MTPN: variants seen among roughly 807,000 people sequenced by gnomAD.
MTPN encodes the protein myotrophin, also known as granule cell differentiation protein.
Under a neutral mutation model 13.5 loss-of-function variants are expected in MTPN, and 2 were observed. The observed-to-expected ratio is 0.15, with a 90% confidence interval of 0.06 to 0.47. The LOEUF (loss-of-function observed/expected upper bound fraction) is 0.47. Among genes scored for constraint, MTPN ranks in the 20% least tolerant of loss-of-function variants. The pLI is 0.97. For missense variants in MTPN, 79 were observed against 137.9 expected (o/e 0.57, Z 2.14); for synonymous variants, 46 against 51.7 (o/e 0.89, Z 0.48).
At chr7:135,930,055 G>A (rs764656681) in intron 3 of MTPN, 43 bp from the exon 4 acceptor site, 9 of 1,529,124 alleles carry the variant, frequency 5.9e-6, no homozygotes, top group Non-Finnish European at 6.3e-6. Flanking sequence ...GCCCACAACT[G>A]GGGGAAGGGA....
At chr7:135,942,949 G>C (rs140642164) in intron 3 of MTPN, among the ~76,000 whole-genome samples, 6 of 152,328 alleles carry the variant, frequency 3.9e-5, no homozygotes, top group African/African-American at 9.6e-5. Context: ...TTGTGTATGA[G>C]ATTTGTGAAA....
chr7:135,940,087 A>G (rs1243309345), intron 3 of MTPN, among the ~76,000 whole-genome samples: 2 of 152,196 alleles, frequency 1.3e-5, no homozygotes, highest in Admixed American at 6.5e-5. Context: ...GTCTTGAGAA[A>G]CTACTATACT....
intron 1 of MTPN, among the ~76,000 whole-genome samples, chr7:135,955,769 C>G (rs567555382): frequency 6.6e-6 from 1 of 151,142 alleles, no homozygotes; most frequent in South Asian, 2.1e-4. Context: ...ATTTAATATT[C>G]GAAAAGTCAG....
chr7:135,956,976 T>C (rs941959648), intron 1 of MTPN, among the ~76,000 whole-genome samples: 3 of 152,310 alleles, frequency 2.0e-5, no homozygotes, highest in African/African-American at 2.4e-5. Flanking sequence ...ACTATTACCA[T>C]AACCATTTTT....
intron 1 of MTPN, among the ~76,000 whole-genome samples, chr7:135,953,505 A>G (rs1402130278): frequency 1.3e-5 from 2 of 152,204 alleles, no homozygotes; most frequent in Non-Finnish European, 2.9e-5. Flanking sequence ...TGGGGGTTAA[A>G]CTACATGATC....
intron 3 of MTPN, among the ~76,000 whole-genome samples, chr7:135,931,366 G>C (rs898351824): frequency 6.6e-6 from 1 of 152,248 alleles, no homozygotes; most frequent in African/African-American, 2.4e-5. Context: ...AAGTCTTCCG[G>C]GATGAGGTAA....
intron 1 of MTPN, among the ~76,000 whole-genome samples, chr7:135,958,878 C>G (rs10275947): frequency 0.47 from 71,649 of 151,848 alleles, 17,185 homozygotes; most frequent in East Asian, 0.59. Context: ...TCAAATTTCA[C>G]TAAAGTATTT....
chr7:135,933,163 T>A (rs150355499), intron 3 of MTPN, among the ~76,000 whole-genome samples: 8 of 151,974 alleles, frequency 5.3e-5, no homozygotes, highest in African/African-American at 7.2e-5. Context: ...TTAAGTATAT[T>A]TGGCCCTATC....
At chr7:135,937,824 G>T (rs1332629418) in intron 3 of MTPN, among the ~76,000 whole-genome samples, 1 of 152,068 alleles carries the variant, frequency 6.6e-6, no homozygotes, top group African/African-American at 2.4e-5. Context: ...GAGGATAAAG[G>T]TCTTTATGGT....
chr7:135,972,721 T>C (rs760195155), intron 1 of MTPN, among the ~76,000 whole-genome samples: 4 of 152,126 alleles, frequency 2.6e-5, no homozygotes, highest in Non-Finnish European at 2.9e-5. Context: ...GCACTCTATG[T>C]GAAGTCAATC....
intron 1 of MTPN, among the ~76,000 whole-genome samples, chr7:135,958,176 A>G (rs1799472024): frequency 6.6e-6 from 1 of 152,080 alleles, no homozygotes; most frequent in Non-Finnish European, 1.5e-5. Context: ...TATGTCTTTC[A>G]TTACATTTAC....
intron 3 of MTPN, among the ~76,000 whole-genome samples, chr7:135,938,544 G>A: frequency 6.6e-6 from 1 of 152,218 alleles, no homozygotes; most frequent in East Asian, 1.9e-4. Context: ...TGAACTGACA[G>A]GAAGTGAATA....
rs1219512008 is a variant in MTPN, at chr7:135,927,531, G to A, written c.*2395C>T. On this transcript the variant is annotated 3_prime_UTR_variant, in exon 4 of 4. Transcript: ENST00000393085. ...GAGAACAAAACTTACTTAACCTTTC[G>A]CTAATGCATGTAGTACCAGAAAGCA... The A allele has an allele frequency of 1.6e-5, 14 of 859,834 alleles. No individual in the cohort carries two copies. The highest frequency in any genetic ancestry group is 1.3e-4 in the East Asian group (5 of 37,240). 53.3% of individuals were successfully genotyped at this position (859,834 alleles called of 1,614,324 possible).
intron 3 of MTPN, among the ~76,000 whole-genome samples, chr7:135,938,740 G>T (rs1402749778): frequency 1.3e-5 from 2 of 152,122 alleles, no homozygotes; most frequent in Non-Finnish European, 2.9e-5. Flanking sequence ...ACTAACAACA[G>T]TAACATCTGA....
rs990695465 is a variant in MTPN at position 135,940,957 on chromosome 7, C to G, written c.270+9642G>C. On this transcript the variant is annotated intron_variant, in intron 3 of 3. Coordinates refer to ENST00000393085, the MANE Select transcript of MTPN (RefSeq NM_145808.4). ...GTAAATAAAATGTTACTGGAACATA[C>G]CTAGGCTCATTCATTTACATGTTGC... Among the ~76,000 whole-genome samples the G allele has an allele frequency of 4.6e-5, 7 of 152,264 alleles. 2 individuals carry two copies. The highest frequency in any genetic ancestry group is 6.5e-5 in the Admixed American group (1 of 15,288).
intron 3 of MTPN, among the ~76,000 whole-genome samples, chr7:135,945,961 A>G (rs1799282182): frequency 1.3e-5 from 2 of 152,180 alleles, no homozygotes; most frequent in Admixed American, 1.3e-4. Context: ...AGGCACAGGA[A>G]GAAATAATAA....
chr7:135,965,527 T>G (rs1426178623), intron 1 of MTPN, among the ~76,000 whole-genome samples: 1 of 152,180 alleles, frequency 6.6e-6, no homozygotes, highest in African/African-American at 2.4e-5. Context: ...GTTTTAACAT[T>G]TGTTTCTTAA....
intron 3 of MTPN, among the ~76,000 whole-genome samples, chr7:135,939,286 T>C (rs764499911): frequency 1.8e-4 from 27 of 152,108 alleles, no homozygotes; most frequent in Non-Finnish European, 2.9e-4. Flanking sequence ...TGTTAGATTC[T>C]CTGTGAAGCC....
In MTPN at chr7:135,926,960, A is replaced by T. The variant is rs1798929266; in HGVS notation, c.*2966T>A. 5.7e-6 allele frequency: 1 copy of T among 176,752 alleles called. No homozygotes were observed. Among genetic ancestry groups the T allele is most frequent in the Non-Finnish European group, 1.2e-5 (1 of 84,158 alleles). The allele number at this position is 176,752 out of a possible 1,614,324, so 10.9% of individuals were successfully genotyped here. ...TCTTCCTCCATTACCGCTTAGAAAG[A>T]TATGATTGTTTCTCCATTTACAAAA... is the stretch of plus-strand genomic sequence containing the variant. On this transcript the variant is annotated 3_prime_UTR_variant, in exon 4 of 4. Transcript: ENST00000393085.
Sources: gnomAD v4.1 joint callset for allele counts (sites outside exome capture counted in the v4.1 genomes callset) on GRCh38, gnomAD v4.1.1 for gene constraint, MANE v1.5 for transcripts, NCBI Gene and HGNC (gene_info 2026-07-23, HGNC 2026-07-21) for gene names.